The following NCAM2 variants were observed in gnomAD, a reference collection of about 807,000 sequenced individuals.
NCAM2 encodes neural cell adhesion molecule 2, also known as N-CAM-2.
A neutral mutation model predicts 98.1 loss-of-function variants in NCAM2; 30 were observed. That is an observed-to-expected ratio of 0.31 (90% CI 0.23 to 0.41). The LOEUF is 0.41. NCAM2 is among the 10% of genes least tolerant of loss of function. The pLI is 1.00. For missense variants in NCAM2, 867 were observed against 1,005.8 expected (o/e 0.86, Z 1.87); for synonymous variants, 368 against 342.4 (o/e 1.07, Z -0.83).
At chr21:21,004,405 G>C (rs759556965) in intron 1 of NCAM2, among the ~76,000 whole-genome samples, 14 of 152,086 alleles carry the variant, frequency 9.2e-5, no homozygotes, top group African/African-American at 3.4e-4. Flanking sequence ...AGAATGATCC[G>C]ATTTGCCTAT....
intron 1 of NCAM2, among the ~76,000 whole-genome samples, chr21:21,110,722 C>T (rs1221630293): frequency 1.3e-5 from 2 of 151,774 alleles, no homozygotes; most frequent in Non-Finnish European, 2.9e-5. Context: ...TCTTTCTCTA[C>T]CACAAAACTA....
intron 1 of NCAM2, among the ~76,000 whole-genome samples, chr21:21,052,989 A>G (rs1019815384): frequency 8.6e-5 from 13 of 151,862 alleles, no homozygotes; most frequent in Admixed American, 7.9e-4. Flanking sequence ...ATTTCTTACC[A>G]CTTGTTTATG....
intron 9 of NCAM2, among the ~76,000 whole-genome samples, chr21:21,387,169 T>C (rs192571928): frequency 7.0e-6 from 1 of 142,184 alleles, no homozygotes; most frequent in East Asian, 2.0e-4. Context: ...TGGCCTTTAC[T>C]TGGTGCGCAC....
chr21:21,194,340 A>T (rs548833495), intron 1 of NCAM2, among the ~76,000 whole-genome samples: 1 of 152,232 alleles, frequency 6.6e-6, no homozygotes, highest in African/African-American at 2.4e-5. Context: ...AAGGATATGA[A>T]TGAAACCACA....
chr21:21,175,571 G>A (rs578226070), intron 1 of NCAM2, among the ~76,000 whole-genome samples: 7 of 152,048 alleles, frequency 4.6e-5, no homozygotes, highest in Non-Finnish European at 8.8e-5. Flanking sequence ...AAACAGGGTG[G>A]TAACATTAAA....
At chr21:21,363,781 T>C (rs968947501) in intron 8 of NCAM2, among the ~76,000 whole-genome samples, 1 of 152,094 alleles carries the variant, frequency 6.6e-6, no homozygotes, top group Non-Finnish European at 1.5e-5. Context: ...TGTTGCAGCA[T>C]TGTATATTTT....
At chr21:21,492,855 T>A (rs28680978) in intron 15 of NCAM2, among the ~76,000 whole-genome samples, 12,958 of 151,664 alleles carry the variant, frequency 0.085, 696 homozygotes, top group East Asian at 0.27. Flanking sequence ...TGTGGTTAAA[T>A]AAAAAATAAA....
intron 1 of NCAM2, among the ~76,000 whole-genome samples, chr21:21,200,281 A>G (rs1488816687): frequency 6.6e-6 from 1 of 152,060 alleles, no homozygotes; most frequent in Non-Finnish European, 1.5e-5. Context: ...ATGGACTTGC[A>G]TGGGTCACAA....
chr21:21,402,031 T>C (rs1013039376), intron 9 of NCAM2, among the ~76,000 whole-genome samples: 8 of 152,144 alleles, frequency 5.3e-5, no homozygotes, highest in African/African-American at 1.7e-4. Context: ...CAGGACCCTG[T>C]GATGATTGCG....
intron 1 of NCAM2, among the ~76,000 whole-genome samples, chr21:21,078,810 A>C (rs2065733024): frequency 6.6e-6 from 1 of 152,232 alleles, no homozygotes; most frequent in Non-Finnish European, 1.5e-5. Context: ...GATAGATTAG[A>C]TAAAGAAAAT....
chr21:21,447,403 G>A (rs1431451249), intron 12 of NCAM2, among the ~76,000 whole-genome samples: 8 of 152,094 alleles, frequency 5.3e-5, no homozygotes, highest in Admixed American at 5.2e-4. Flanking sequence ...ATTACCTCAA[G>A]ATGGATTAAA....
intron 1 of NCAM2, among the ~76,000 whole-genome samples, chr21:21,029,129 T>A (rs956788812): frequency 6.6e-6 from 1 of 152,204 alleles, no homozygotes; most frequent in African/African-American, 2.4e-5. Context: ...AATCTTTGTT[T>A]TAAAAAACAT....
intron 5 of NCAM2, among the ~76,000 whole-genome samples, chr21:21,312,493 A>G (rs1263477217): frequency 6.6e-6 from 1 of 151,474 alleles, no homozygotes; most frequent in Non-Finnish European, 1.5e-5. Context: ...TTAATACTCA[A>G]TTAATCTATC....
chr21:21,127,950 C>A (rs1390748199), intron 1 of NCAM2, among the ~76,000 whole-genome samples: 2 of 152,138 alleles, frequency 1.3e-5, no homozygotes, highest in Non-Finnish European at 2.9e-5. Flanking sequence ...TGACGCCCAG[C>A]TCATTGATGA....
intron 1 of NCAM2, among the ~76,000 whole-genome samples, chr21:21,037,618 A>G (rs955367333): frequency 2.0e-5 from 3 of 152,180 alleles, no homozygotes; most frequent in African/African-American, 4.8e-5. Context: ...GATAAACACT[A>G]ATTTTCTAAT....
intron 1 of NCAM2, among the ~76,000 whole-genome samples, chr21:21,106,766 A>C (rs192868131): frequency 1.4e-4 from 22 of 152,150 alleles, no homozygotes; most frequent in Admixed American, 1.4e-3. Context: ...GAATAAAGAT[A>C]ACCGCTACAG....
At chr21:21,483,149 CATTT>C (rs1986043460) in intron 15 of NCAM2, among the ~76,000 whole-genome samples, 1 of 151,940 alleles carries the variant, frequency 6.6e-6, no homozygotes, top group Non-Finnish European at 1.5e-5. Flanking sequence ...TGTTTGATAA[CATTT>C]ATATTTAACC....
intron 2 of NCAM2, among the ~76,000 whole-genome samples, 161 bp downstream of exon 2, chr21:21,280,813 G>A (rs979852294): frequency 2.6e-5 from 4 of 152,058 alleles, no homozygotes; most frequent in South Asian, 2.1e-4. Flanking sequence ...ACAGAGCCTC[G>A]CTCTGTCTCC....
chr21:21,303,245 A>G (rs1218152339), intron 5 of NCAM2, among the ~76,000 whole-genome samples: 1 of 152,118 alleles, frequency 6.6e-6, no homozygotes. Flanking sequence ...AAAGCTTTAA[A>G]AAGAAGTCAG....
Sources: allele counts gnomAD v4.1 joint callset (sites outside exome capture counted in the v4.1 genomes callset), GRCh38; gene constraint gnomAD v4.1.1; transcripts MANE v1.5; gene names NCBI Gene and HGNC (gene_info 2026-07-23, HGNC 2026-07-21).